SEZ6L: variants seen among roughly 807,000 people sequenced by gnomAD.
The protein encoded by SEZ6L is seizure related 6 homolog like.
SEZ6L carries 37 observed loss-of-function variants against 106.2 expected under a neutral mutation model. The ratio of observed to expected loss-of-function variants is 0.35; its 90% CI spans 0.27 to 0.46. The LOEUF (loss-of-function observed/expected upper bound fraction) is 0.46. Ranked by LOEUF, SEZ6L falls within the 20% of genes least tolerant of loss-of-function variation. The pLI, the probability that SEZ6L is intolerant of heterozygous loss-of-function variation, is 1.00. For synonymous variants in SEZ6L, 541 were observed against 570.4 expected (o/e 0.95, Z 0.73); for missense variants, 1,172 against 1,332.8 (o/e 0.88, Z 1.88).
At chr22:26,373,676 A>G (rs1355909936) in intron 14 of SEZ6L, among the ~76,000 whole-genome samples, 193 bp downstream of exon 14, 1 of 152,218 alleles carries the variant, frequency 6.6e-6, no homozygotes, top group East Asian at 1.9e-4. Context: ...GGACCCTAAC[A>G]ATAACCTGAA....
intron 5 of SEZ6L, among the ~76,000 whole-genome samples, chr22:26,300,751 A>G (rs959608362): frequency 2.0e-5 from 3 of 152,206 alleles, no homozygotes; most frequent in African/African-American, 7.2e-5. Flanking sequence ...CAATGGTTGA[A>G]CTAGTTTACA....
chr22:26,376,613 G>A (rs2084233680), intron 15 of SEZ6L, among the ~76,000 whole-genome samples: 1 of 152,186 alleles, frequency 6.6e-6, no homozygotes, highest in Admixed American at 6.5e-5. Context: ...CCTGGGCATG[G>A]TGGTGGGTGC....
chr22:26,351,031 G>C, intron 11 of SEZ6L, 21 bp from the exon 12 acceptor site: 1 of 1,599,670 alleles, frequency 6.3e-7, no homozygotes, highest in Non-Finnish European at 8.5e-7. Flanking sequence ...CGTCCTCTTG[G>C]TCTGGTTTCA....
intron 1 of SEZ6L, among the ~76,000 whole-genome samples, chr22:26,219,661 T>C (rs2078404937): frequency 6.6e-6 from 1 of 152,044 alleles, no homozygotes; most frequent in Non-Finnish European, 1.5e-5. Context: ...TCAAAGAGGA[T>C]CATTAAAGTT....
intron 9 of SEZ6L, among the ~76,000 whole-genome samples, chr22:26,336,063 T>C (rs970185920): frequency 3.9e-5 from 6 of 152,212 alleles, no homozygotes; most frequent in African/African-American, 1.4e-4. Context: ...CTGGAATAGC[T>C]GCATCGATGT....
chr22:26,366,917 G>T (rs2083834252), intron 13 of SEZ6L, among the ~76,000 whole-genome samples: 1 of 152,012 alleles, frequency 6.6e-6, no homozygotes, highest in South Asian at 2.1e-4. Flanking sequence ...TGAGTAGCTG[G>T]GATTGCAGGT....
At position 26,294,294 on chromosome 22, in the gene SEZ6L, C is replaced by A. The variant is rs2081227972; in HGVS notation, c.838C>A (p.Leu280Ile). Residue 280 changes from leucine (L) to isoleucine (I), a missense_variant and splice_region_variant, in exon 3 of 17, where the codon CTC becomes ATC. By Grantham distance (5) the Leu-to-Ile change is conservative. Coordinates refer to ENST00000248933, the MANE Select transcript of SEZ6L (RefSeq NM_021115.5). Reference protein sequence around the residue: ...TVITTEQAPALCSVSFSNPEG... With the variant: ...TVITTEQAPAICSVSFSNPEG... ...CTAATTAAAGTCCTTCCTTCCAGCT[C>A]TCTGCAGTGTGAGCTTCTCCAATCC... 6.2e-7 allele frequency: 1 copy of A among 1,614,126 alleles called. No individual in the cohort carries two copies. Among genetic ancestry groups the A allele is most frequent in the Non-Finnish European group, 8.5e-7 (1 of 1,180,000 alleles).
At chr22:26,186,703 T>C (rs559659588) in intron 1 of SEZ6L, among the ~76,000 whole-genome samples, 16 of 152,272 alleles carry the variant, frequency 1.1e-4, no homozygotes, top group African/African-American at 3.8e-4. Context: ...ACTAGCAGGA[T>C]TCTTTGCTAA....
At chr22:26,313,986 C>G (rs2081924488) in intron 9 of SEZ6L, 84 bp downstream of exon 9, 1 of 1,373,894 alleles carries the variant, frequency 7.3e-7, no homozygotes, top group Non-Finnish European at 1.0e-6. Context: ...ATTCTTTCAA[C>G]CAATATTAAC....
chr22:26,214,720 G>A (rs1441317145), intron 1 of SEZ6L, among the ~76,000 whole-genome samples: 2 of 152,100 alleles, frequency 1.3e-5, no homozygotes, highest in African/African-American at 4.8e-5. Flanking sequence ...TTGGAGGGGA[G>A]GAAGAAAAGA....
chr22:26,288,686 G>A (rs546954501), intron 1 of SEZ6L, among the ~76,000 whole-genome samples: 15 of 152,300 alleles, frequency 9.8e-5, no homozygotes, highest in African/African-American at 3.4e-4. Flanking sequence ...GAATTAAAAA[G>A]GAGGCAATGG....
chr22:26,284,618 A>AC (rs1407383463), intron 1 of SEZ6L, among the ~76,000 whole-genome samples: 1 of 151,108 alleles, frequency 6.6e-6, no homozygotes, highest in Non-Finnish European at 1.5e-5. Context: ...AAAAAAAAAA[A>AC]AAAAAAAAAA....
rs757360821 is a variant in SEZ6L, at chr22:26,291,744, C to T, written c.95-662C>T. ...TTTGTACAGGGAACAATCTGCCCAA[C>T]TGTACATGGCATGCCTGTCCTGCAG... is the stretch of plus-strand genomic sequence containing the variant. On this transcript the variant is annotated intron_variant, in intron 1 of 16. Transcript: ENST00000248933. Among the ~76,000 whole-genome samples, 158 of 152,232 alleles carry T rather than the reference C, an allele frequency of 1.0e-3. 1 individual carries two copies. Among genetic ancestry groups the T allele is most frequent in the Non-Finnish European group, 3.8e-4 (26 of 68,050 alleles).
chr22:26,380,257 C>T lies in SEZ6L; in HGVS notation c.3046-9C>T, dbSNP rs771713900. The T allele has an allele frequency of 6.2e-7, 1 of 1,613,586 alleles. No individual in the cohort carries two copies. Among genetic ancestry groups the T allele is most frequent in the Non-Finnish European group, 8.5e-7 (1 of 1,179,584 alleles). On this transcript the variant is annotated splice_polypyrimidine_tract_variant and intron_variant, in intron 16 of 16. Transcript: ENST00000248933. The stretch of plus-strand genomic sequence containing the variant: ...GCGTTTGACAAATCCGTGCTTCTCT[C>T]TCTTGCAGGAAACCAGAGAGTATGA...
chr22:26,289,591 C>T (rs1197135481), intron 1 of SEZ6L, among the ~76,000 whole-genome samples: 2 of 152,220 alleles, frequency 1.3e-5, no homozygotes, highest in Non-Finnish European at 2.9e-5. Flanking sequence ...CATCCACTCA[C>T]GCTGCTCCCA....
At chr22:26,321,983 G>T (rs1318527750) in intron 9 of SEZ6L, among the ~76,000 whole-genome samples, 1 of 152,158 alleles carries the variant, frequency 6.6e-6, no homozygotes, top group Non-Finnish European at 1.5e-5. Context: ...CCTACTATGT[G>T]CTAGGCAGGC....
intron 1 of SEZ6L, among the ~76,000 whole-genome samples, chr22:26,266,582 TAAATAAATAAATA>T (rs1293877381): frequency 1.4e-4 from 6 of 43,096 alleles, no homozygotes; most frequent in East Asian, 7.2e-4. Context: ...CAAAAATAAA[TAAATAAATAAATA>T]AATAAATAAA....
At chr22:26,337,697 G>C (rs1414264206) in intron 9 of SEZ6L, among the ~76,000 whole-genome samples, 1 of 152,154 alleles carries the variant, frequency 6.6e-6, no homozygotes, top group Non-Finnish European at 1.5e-5. Flanking sequence ...GTTAAAAACT[G>C]TCAGGGGGGT....
Position 26,304,961 on chromosome 22 carries a change from T to A in SEZ6L, c.1349-1018T>A, listed in dbSNP as rs116987224. Among the ~76,000 whole-genome samples, 376 of 152,356 alleles carry A rather than the reference T, an allele frequency of 2.5e-3. 8 individuals carry two copies. In the East Asian group the frequency reaches 0.058, roughly 24 times the overall value. On this transcript the variant is annotated intron_variant, in intron 5 of 16. Coordinates refer to ENST00000248933, the MANE Select transcript of SEZ6L (RefSeq NM_021115.5). ...TAGAGTGTATGTACACGAGCCTTGATGGTATAGCCTACTACATACCCAGGC... is the reference window on the plus strand; with the variant it reads ...TAGAGTGTATGTACACGAGCCTTGAAGGTATAGCCTACTACATACCCAGGC...
Sources: allele counts gnomAD v4.1 joint callset (sites outside exome capture counted in the v4.1 genomes callset), GRCh38; gene constraint gnomAD v4.1.1; transcripts MANE v1.5; gene names NCBI Gene and HGNC (gene_info 2026-07-23, HGNC 2026-07-21).